Variants in ADARB2 observed in about 807,000 individuals in gnomAD.
ADARB2 encodes adenosine deaminase RNA specific B2 (inactive), also known as inactive double-stranded RNA-specific editase B2.
A neutral mutation model predicts 62.2 loss-of-function variants in ADARB2; 25 were observed. The ratio of observed to expected loss-of-function variants is 0.40; its 90% CI spans 0.29 to 0.56. The LOEUF is 0.56. ADARB2 is among the 20% of genes least tolerant of loss of function. The pLI is 0.43. For missense variants in ADARB2, 1,071 were observed against 1,077.4 expected (o/e 0.99, Z 0.08); for synonymous variants, 572 against 500.8 (o/e 1.14, Z -1.90).
intron 1 of ADARB2, among the ~76,000 whole-genome samples, chr10:1,421,537 T>C (rs1470450796): frequency 6.6e-6 from 1 of 152,110 alleles, no homozygotes; most frequent in African/African-American, 2.4e-5. Flanking sequence ...TGTTTATTCA[T>C]ACCTACTGTG....
intron 1 of ADARB2, among the ~76,000 whole-genome samples, chr10:1,678,630 G>A (rs779087707): frequency 3.3e-5 from 5 of 152,018 alleles, no homozygotes; most frequent in African/African-American, 1.2e-4. Context: ...TCCCTTTTAC[G>A]GGTCTGGTAT....
intron 3 of ADARB2, among the ~76,000 whole-genome samples, chr10:1,360,074 C>A (rs1319598186): frequency 6.6e-6 from 1 of 152,266 alleles, no homozygotes; most frequent in African/African-American, 2.4e-5. Flanking sequence ...ACCATGGATC[C>A]AGACGTGGTT....
chr10:1,218,049 G>A (rs78165124), intron 6 of ADARB2, among the ~76,000 whole-genome samples: 10,932 of 151,858 alleles, frequency 0.072, 585 homozygotes, highest in East Asian at 0.21. Context: ...AATTTTGTAT[G>A]TTTTTGTTTT....
intron 1 of ADARB2, among the ~76,000 whole-genome samples, chr10:1,667,649 T>G (rs1432644431): frequency 6.6e-6 from 1 of 152,158 alleles, no homozygotes; most frequent in Admixed American, 6.5e-5. Context: ...CAGCCCACAC[T>G]TAGCAGGCTT....
At chr10:1,645,131 C>T (rs1834023674) in intron 1 of ADARB2, among the ~76,000 whole-genome samples, 1 of 152,218 alleles carries the variant, frequency 6.6e-6, no homozygotes, top group Non-Finnish European at 1.5e-5. Context: ...GGGGATCTGG[C>T]CCCCTTTGCA....
At chr10:1,407,435 T>A (rs1242981629) in intron 1 of ADARB2, among the ~76,000 whole-genome samples, 1 of 152,166 alleles carries the variant, frequency 6.6e-6, no homozygotes, top group Non-Finnish European at 1.5e-5. Flanking sequence ...GGTGGTCCCA[T>A]TGGTGACCCA....
At chr10:1,200,217 C>G in intron 7 of ADARB2, 70 bp from the exon 8 acceptor site, 1 of 1,543,884 alleles carries the variant, frequency 6.5e-7, no homozygotes, top group Non-Finnish European at 8.8e-7. Flanking sequence ...CTCTGTCCGT[C>G]TGCGGCCTGG....
chr10:1,324,542 A>G (rs1320717136), intron 3 of ADARB2, among the ~76,000 whole-genome samples: 1 of 152,264 alleles, frequency 6.6e-6, no homozygotes, highest in Non-Finnish European at 1.5e-5. Flanking sequence ...ATTGTGGAAT[A>G]CTACTCAGCA....
intron 1 of ADARB2, among the ~76,000 whole-genome samples, chr10:1,428,406 C>T (rs561222156): frequency 4.1e-4 from 63 of 152,112 alleles, no homozygotes; most frequent in African/African-American, 1.3e-3. Flanking sequence ...CTTGCCTCAG[C>T]CTCCAGAGTA....
intron 1 of ADARB2, among the ~76,000 whole-genome samples, chr10:1,673,429 A>AT (rs577800165): frequency 2.0e-5 from 3 of 151,594 alleles, no homozygotes; most frequent in Non-Finnish European, 2.9e-5. Flanking sequence ...AACGTTCATA[A>AT]TTTTTTTTAA....
intron 1 of ADARB2, among the ~76,000 whole-genome samples, chr10:1,422,856 C>T (rs566993544): frequency 6.4e-4 from 98 of 152,246 alleles, no homozygotes; most frequent in African/African-American, 2.1e-3. Flanking sequence ...ACGCAAACTC[C>T]GCCTGGGGTC....
Position 1,316,292 on chromosome 10 carries a change from G to T in ADARB2, c.1078-45223C>A, listed in dbSNP as rs7897073. On this transcript the variant is annotated intron_variant, in intron 3 of 9. Transcript: ENST00000381312. ...GGGAGTGGATGGTGCCAGGCTGCTGGGCTTGGGCCCTGCTCTGCCGTGGTG... is the reference window on the plus strand; with the variant it reads ...GGGAGTGGATGGTGCCAGGCTGCTGTGCTTGGGCCCTGCTCTGCCGTGGTG... 4.1e-3 allele frequency among the ~76,000 whole-genome samples: 625 copies of T among 152,328 alleles called. 3 individuals are homozygous for T. Among genetic ancestry groups the T allele is most frequent in the African/African-American group, 0.014 (580 of 41,568 alleles).
intron 1 of ADARB2, among the ~76,000 whole-genome samples, chr10:1,686,479 G>A (rs780639775): frequency 2.6e-5 from 4 of 152,224 alleles, no homozygotes; most frequent in African/African-American, 9.6e-5. Context: ...GTAGGGGAAG[G>A]TCTAATGGTG....
chr10:1,639,259 C>T (rs781749499), intron 1 of ADARB2, among the ~76,000 whole-genome samples: 24 of 152,184 alleles, frequency 1.6e-4, no homozygotes, highest in Non-Finnish European at 2.6e-4. Flanking sequence ...GGAGGTTGAC[C>T]GCATCCAGGA....
At chr10:1,551,955 G>A (rs978810802) in intron 1 of ADARB2, among the ~76,000 whole-genome samples, 4 of 152,244 alleles carry the variant, frequency 2.6e-5, no homozygotes, top group Non-Finnish European at 4.4e-5. Flanking sequence ...GAGGGGCAGC[G>A]TGGCCACCCC....
chr10:1,633,556 C>CTATCTATCTATCTATCTATCTA (rs1564353028), intron 1 of ADARB2, among the ~76,000 whole-genome samples: 21 of 107,972 alleles, frequency 1.9e-4, no homozygotes, highest in South Asian at 3.5e-4. Flanking sequence ...TATCATCTAT[C>CTATCTATCTATCTATCTATCTA]TATCTATCTA....
intron 1 of ADARB2, among the ~76,000 whole-genome samples, chr10:1,504,376 T>C (rs773871637): frequency 1.3e-5 from 2 of 152,236 alleles, no homozygotes; most frequent in Non-Finnish European, 2.9e-5. Flanking sequence ...CCCCTTACTT[T>C]TTCCCCTCTT....
At chr10:1,603,646 G>A in intron 1 of ADARB2, among the ~76,000 whole-genome samples, 1 of 150,762 alleles carries the variant, frequency 6.6e-6, no homozygotes, top group South Asian at 2.1e-4. Context: ...CTCACAGTAT[G>A]TACAGTGGTC....
At position 1,381,181 on chromosome 10, in the gene ADARB2, C is replaced by T. The variant is rs868341361; in HGVS notation, c.101-2021G>A. ...ATATATATTTGTGCATATACACACA[C>T]ACACACACACACACATATATACTTA... On this transcript the variant is annotated intron_variant, in intron 1 of 9. Transcript: ENST00000381312. Among the ~76,000 whole-genome samples the T allele has an allele frequency of 3.1e-3, 466 of 152,104 alleles. 1 individual carries two copies. The Middle Eastern group carries it at 0.041, about 13-fold the overall frequency.
Sources: gnomAD v4.1 joint callset for allele counts (sites outside exome capture counted in the v4.1 genomes callset) on GRCh38, gnomAD v4.1.1 for gene constraint, MANE v1.5 for transcripts, NCBI Gene and HGNC (gene_info 2026-07-23, HGNC 2026-07-21) for gene names.